Variants in KALRN observed in about 807,000 individuals in gnomAD.
KALRN encodes kalirin.
In KALRN, 70 loss-of-function variants were observed where a neutral mutation model predicts 353.7. The ratio of observed to expected loss-of-function variants is 0.20; its 90% CI spans 0.16 to 0.24. The LOEUF is 0.24. KALRN is among the 10% of genes least tolerant of loss of function. The pLI is 1.00. For missense variants in KALRN, 2,791 were observed against 3,756.7 expected (o/e 0.74, Z 6.72); for synonymous variants, 1,391 against 1,434.8 (o/e 0.97, Z 0.69).
intron 1 of KALRN, among the ~76,000 whole-genome samples, chr3:124,167,669 T>A (rs2071090189): frequency 6.6e-6 from 1 of 152,242 alleles, no homozygotes; most frequent in East Asian, 1.9e-4. Flanking sequence ...ACTCTCTTTG[T>A]GGACACTATC....
At chr3:124,446,920 C>G in intron 21 of KALRN, 35 bp downstream of exon 21, 3 of 1,603,272 alleles carry the variant, frequency 1.9e-6, no homozygotes, top group Non-Finnish European at 2.6e-6. Flanking sequence ...CCAGATCCAC[C>G]CAGAACTCTC....
Position 124,325,976 on chromosome 3 carries a change from C to T in KALRN, c.1093-4C>T, listed in dbSNP as rs761295987. 3.1e-6 allele frequency: 5 copies of T among 1,610,398 alleles called. No individual in the cohort carries two copies. Among genetic ancestry groups the T allele is most frequent in the Non-Finnish European group, 4.2e-6 (5 of 1,177,806 alleles). ...CCCACTGAGCACTCTCCTTTTCTTT[C>T]CAGAATGCCTATGTCAACATCAACC... On this transcript the variant is annotated splice_region_variant and splice_polypyrimidine_tract_variant and intron_variant, in intron 6 of 59. Transcript: ENST00000682506.
intron 47 of KALRN, among the ~76,000 whole-genome samples, chr3:124,668,043 GACACACACACACACACACACACACAC>G (rs55672121): frequency 7.2e-6 from 1 of 138,418 alleles, no homozygotes; most frequent in East Asian, 2.1e-4. Flanking sequence ...TGTATATCGA[GACACACACACACACACACACACACAC>G]ACACACACAC....
At chr3:124,095,579 C>T (rs990160493) in intron 1 of KALRN, among the ~76,000 whole-genome samples, 12 of 152,164 alleles carry the variant, frequency 7.9e-5, no homozygotes, top group Middle Eastern at 3.4e-3. Flanking sequence ...CAGATACAGC[C>T]GGTACAGAAT....
At chr3:124,539,511 C>T (rs532418146) in intron 33 of KALRN, among the ~76,000 whole-genome samples, 9 of 152,298 alleles carry the variant, frequency 5.9e-5, no homozygotes, top group African/African-American at 2.2e-4. Context: ...CCTGCACACC[C>T]CTGGCAGGCT....
intron 47 of KALRN, among the ~76,000 whole-genome samples, chr3:124,670,575 C>A (rs2086287854): frequency 6.6e-6 from 1 of 152,108 alleles, no homozygotes; most frequent in Middle Eastern, 3.2e-3. Flanking sequence ...GAAGTGTGAC[C>A]CTATGTTGAG....
intron 6 of KALRN, among the ~76,000 whole-genome samples, chr3:124,311,952 A>AACCTTT (rs2078308911): frequency 6.6e-6 from 1 of 152,208 alleles, no homozygotes; most frequent in Admixed American, 6.5e-5. Flanking sequence ...AGAATAGGCA[A>AACCTTT]ACCTTTAAAG....
rs536395825 is a variant in KALRN at position 124,715,046 on chromosome 3, A to G, written c.8276+1911A>G. On this transcript the variant is annotated intron_variant, in intron 58 of 59. Transcript: ENST00000682506. ...AAAAAAAAAAAAATAGGGGGAAAAG[A>G]TATAGTTTTTGCCCTCGAGGAGTTA... Among the ~76,000 whole-genome samples, 3 of 152,056 alleles carry G rather than the reference A, an allele frequency of 2.0e-5. No homozygotes were observed. In the East Asian group the frequency reaches 5.8e-4, roughly 29 times the overall value.
intron 14 of KALRN, among the ~76,000 whole-genome samples, chr3:124,419,391 T>G (rs1374223237): frequency 6.6e-6 from 1 of 151,364 alleles, no homozygotes; most frequent in Non-Finnish European, 1.5e-5. Flanking sequence ...TCTTTGTGAT[T>G]CCCATTTTAC....
intron 1 of KALRN, among the ~76,000 whole-genome samples, chr3:124,154,713 T>TC (rs2068711167): frequency 6.6e-6 from 1 of 152,022 alleles, no homozygotes; most frequent in Non-Finnish European, 1.5e-5. Flanking sequence ...TTCAATGCCA[T>TC]CCCATCAAGC....
intron 34 of KALRN, among the ~76,000 whole-genome samples, chr3:124,605,495 C>A (rs528853560): frequency 6.6e-6 from 1 of 151,634 alleles, no homozygotes; most frequent in South Asian, 2.1e-4. Flanking sequence ...ATTGCTTGAA[C>A]CCAGCAGGCG....
intron 13 of KALRN, among the ~76,000 whole-genome samples, chr3:124,411,432 G>GTTTTT (rs1560849512): frequency 2.8e-5 from 1 of 36,250 alleles, no homozygotes; most frequent in African/African-American, 9.5e-5. Flanking sequence ...TTTAAATTAT[G>GTTTTT]CTTTTTTTTT....
Position 124,329,933 on chromosome 3 carries a change from G to C in KALRN, c.1357G>C (p.Glu453Gln). The C allele has an allele frequency of 6.2e-7, 1 of 1,613,914 alleles. No homozygotes were observed. Residue 453 changes from glutamate (E) to glutamine (Q), a missense_variant, in exon 8 of 60, where the codon GAG (glutamate) becomes CAG (glutamine). Coordinates refer to ENST00000682506, the MANE Select transcript of KALRN (RefSeq NM_001388419.1). ...GGLPSEMQDL[E>Q]LAIHHHQTLY... ...TCTGCCATCCGAGATGCAAGACCTA[G>C]AGCTGGCAATCCACCACCACCAGAC...
intron 1 of KALRN, among the ~76,000 whole-genome samples, chr3:124,066,585 C>T (rs1288370184): frequency 7.9e-5 from 12 of 152,158 alleles, no homozygotes; most frequent in South Asian, 4.2e-4. Flanking sequence ...GAGGTGTGAC[C>T]TGGGTAAGGG....
At chr3:124,347,465 C>A (rs142615541) in intron 10 of KALRN, among the ~76,000 whole-genome samples, 200 bp downstream of exon 10, 40 of 151,276 alleles carry the variant, frequency 2.6e-4, no homozygotes, top group African/African-American at 9.0e-4. Flanking sequence ...GGGTTGATAA[C>A]CTGTGGCTGC....
intron 1 of KALRN, among the ~76,000 whole-genome samples, chr3:124,134,811 C>G (rs1357149905): frequency 6.6e-6 from 1 of 152,144 alleles, no homozygotes; most frequent in Non-Finnish European, 1.5e-5. Flanking sequence ...AAATGCAAAT[C>G]AAAACCATAG....
At chr3:124,528,200 C>G (rs969860265) in intron 33 of KALRN, among the ~76,000 whole-genome samples, 1 of 152,196 alleles carries the variant, frequency 6.6e-6, no homozygotes, top group Non-Finnish European at 1.5e-5. Flanking sequence ...GGAGACCCAC[C>G]ATGGTAACTA....
At chr3:124,449,899 A>G (rs1421437825) in intron 21 of KALRN, among the ~76,000 whole-genome samples, 1 of 152,252 alleles carries the variant, frequency 6.6e-6, no homozygotes, top group African/African-American at 2.4e-5. Context: ...ATTGCTAAAT[A>G]GCATGCCATT....
chr3:124,657,352 G>A, intron 39 of KALRN, 96 bp from the exon 40 acceptor site: 1 of 796,760 alleles, frequency 1.3e-6, no homozygotes, highest in Non-Finnish European at 2.2e-6. Context: ...AACTCACGCA[G>A]AGAGTGTGGG....
Sources: allele counts gnomAD v4.1 joint callset (sites outside exome capture counted in the v4.1 genomes callset), GRCh38; gene constraint gnomAD v4.1.1; transcripts MANE v1.5; gene names NCBI Gene and HGNC (gene_info 2026-07-23, HGNC 2026-07-21).